Variants in CA10 observed in about 807,000 individuals in gnomAD.
The protein encoded by CA10 is carbonic anhydrase 10 (inactive).
CA10 carries 14 observed loss-of-function variants against 44.2 expected under a neutral mutation model. That is an observed-to-expected ratio of 0.32 (90% CI 0.21 to 0.50). CA10 has a LOEUF of 0.50. CA10 is among the 20% of genes least tolerant of loss of function. The probability of loss-of-function intolerance (pLI) is 0.99; values close to 1 mark genes in which losing one functional copy is unlikely to be tolerated. For missense variants in CA10, 350 were observed against 409.7 expected, an observed-to-expected ratio of 0.85 and a Z score of 1.26; for synonymous variants, 159 against 141.6, an observed-to-expected ratio of 1.12 and a Z score of -0.87.
chr17:52,142,706 G>T (rs1306922971), intron 1 of CA10, among the ~76,000 whole-genome samples: 2 of 152,092 alleles, frequency 1.3e-5, no homozygotes, highest in African/African-American at 4.8e-5. Flanking sequence ...AGCCCTAGGA[G>T]GGGGAATCAT....
chr17:51,820,404 T>TCCCCCCC (rs1567850403), intron 3 of CA10, among the ~76,000 whole-genome samples: 2 of 21,608 alleles, frequency 9.3e-5, no homozygotes, highest in African/African-American at 5.5e-4. Flanking sequence ...GGGATTCCCC[T>TCCCCCCC]ACCCCCCCCC....
At chr17:51,651,002 C>A (rs945408795) in intron 5 of CA10, among the ~76,000 whole-genome samples, 1 of 152,154 alleles carries the variant, frequency 6.6e-6, no homozygotes, top group South Asian at 2.1e-4. Context: ...GTGGTCACAG[C>A]AAGGGTGGGG....
chr17:51,663,222 A>AATAGC, intron 4 of CA10, among the ~76,000 whole-genome samples: 1 of 192 alleles, frequency 5.2e-3, no homozygotes, highest in South Asian at 0.25. Flanking sequence ...GGAACTTGGA[A>AATAGC]TGCGTTTCGA....
At chr17:52,066,738 A>AG (rs2143115671) in intron 2 of CA10, among the ~76,000 whole-genome samples, 2 of 152,328 alleles carry the variant, frequency 1.3e-5, no homozygotes, top group Admixed American at 1.3e-4. Context: ...AGATAAAAAA[A>AG]CTTGTTGGAA....
At chr17:51,994,356 T>C (rs771172524) in intron 2 of CA10, among the ~76,000 whole-genome samples, 2 of 152,078 alleles carry the variant, frequency 1.3e-5, no homozygotes, top group African/African-American at 4.8e-5. Flanking sequence ...GAAAGGAACA[T>C]AGATCTGGCA....
intron 3 of CA10, among the ~76,000 whole-genome samples, chr17:51,760,172 C>G (rs1905180606): frequency 1.3e-5 from 2 of 152,236 alleles, no homozygotes; most frequent in Admixed American, 1.3e-4. Context: ...TCCTTCTTAA[C>G]ATTCCCCGTG....
At position 51,878,896 on chromosome 17, in the gene CA10, GT is replaced by G. The variant is rs1225016838; in HGVS notation, c.279+52093del. On this transcript the variant is annotated intron_variant, in intron 3 of 8. Transcript: ENST00000451037. The stretch of plus-strand genomic sequence containing the variant: ...TATATATATATATATATATATGGGT[GT>G]GTGTGTGTGTGTGTGTATGTGTGTA... Among the ~76,000 whole-genome samples the G allele has an allele frequency of 8.1e-3, 971 of 119,304 alleles. 81 individuals carry two copies. The highest frequency in any genetic ancestry group is 0.03 in the Middle Eastern group (7 of 236). 78.3% of individuals were successfully genotyped at this position (119,304 alleles called of 152,430 possible).
intron 3 of CA10, among the ~76,000 whole-genome samples, chr17:51,880,845 G>A (rs544784428): frequency 6.6e-6 from 1 of 152,188 alleles, no homozygotes; most frequent in South Asian, 2.1e-4. Context: ...CTAAAAGAGG[G>A]AGCACAGAAC....
chr17:51,890,846 A>G (rs561146593), intron 3 of CA10, among the ~76,000 whole-genome samples: 4 of 152,312 alleles, frequency 2.6e-5, no homozygotes, highest in Admixed American at 2.6e-4. Context: ...TTATGCCAGG[A>G]GAACACACCA....
intron 3 of CA10, among the ~76,000 whole-genome samples, chr17:51,910,013 T>G (rs761461839): frequency 2.0e-5 from 3 of 152,134 alleles, no homozygotes; most frequent in Non-Finnish European, 2.9e-5. Context: ...TTAATCTATC[T>G]GCTCCTCCTC....
At chr17:51,667,241 A>G (rs535928840) in intron 4 of CA10, among the ~76,000 whole-genome samples, 1 of 152,270 alleles carries the variant, frequency 6.6e-6, no homozygotes, top group African/African-American at 2.4e-5. Context: ...GCCAAGTTAA[A>G]TCTCAGAATC....
intron 3 of CA10, among the ~76,000 whole-genome samples, chr17:51,809,690 T>C (rs1470140648): frequency 6.6e-6 from 1 of 152,142 alleles, no homozygotes; most frequent in African/African-American, 2.4e-5. Context: ...CTGGGCTTTA[T>C]AGTGGGTAAG....
At chr17:51,663,945 G>C (rs1156513727) in intron 4 of CA10, among the ~76,000 whole-genome samples, 1 of 152,100 alleles carries the variant, frequency 6.6e-6, no homozygotes, top group African/African-American at 2.4e-5. Flanking sequence ...TCGTATTCTT[G>C]TATTATGAAA....
chr17:51,742,198 T>C (rs1904492328), intron 4 of CA10, among the ~76,000 whole-genome samples: 1 of 152,144 alleles, frequency 6.6e-6, no homozygotes, highest in South Asian at 2.1e-4. Context: ...GAGATGGGGC[T>C]GGCATTCAGA....
chr17:52,099,630 T>C (rs1177593724), intron 1 of CA10, among the ~76,000 whole-genome samples: 2 of 152,230 alleles, frequency 1.3e-5, no homozygotes, highest in East Asian at 1.9e-4. Flanking sequence ...AAGCTGACTG[T>C]TGGAAATAAG....
chr17:52,017,686 C>T (rs180718134), intron 2 of CA10, among the ~76,000 whole-genome samples: 220 of 152,206 alleles, frequency 1.4e-3, no homozygotes, highest in Admixed American at 4.5e-3. Flanking sequence ...AATTTACAGC[C>T]TGGCCACATA....
chr17:52,066,292 CTTG>C (rs1278344682), intron 2 of CA10, among the ~76,000 whole-genome samples: 1 of 152,134 alleles, frequency 6.6e-6, no homozygotes, highest in Non-Finnish European at 1.5e-5. Context: ...TTCCTAGAGA[CTTG>C]TTGAATGGCT....
At chr17:51,832,476 A>T (rs969166904) in intron 3 of CA10, among the ~76,000 whole-genome samples, 1 of 152,218 alleles carries the variant, frequency 6.6e-6, no homozygotes, top group East Asian at 1.9e-4. Context: ...TTAATCTCAC[A>T]TAACACCTTT....
chr17:52,134,200 G>A (rs180766003), intron 1 of CA10, among the ~76,000 whole-genome samples: 9 of 152,280 alleles, frequency 5.9e-5, no homozygotes, highest in African/African-American at 2.2e-4. Flanking sequence ...AATGTTTCAA[G>A]TTCTCCAGAA....
Sources: gnomAD v4.1 joint callset for allele counts (sites outside exome capture counted in the v4.1 genomes callset) on GRCh38, gnomAD v4.1.1 for gene constraint, MANE v1.5 for transcripts, NCBI Gene and HGNC (gene_info 2026-07-23, HGNC 2026-07-21) for gene names.